CDK18: variants seen among roughly 807,000 people sequenced by gnomAD.
The protein encoded by CDK18 is cyclin-dependent kinase 18.
In CDK18, 52 loss-of-function variants were observed where a neutral mutation model predicts 62.0. That is an observed-to-expected ratio of 0.84 (90% confidence interval 0.67 to 1.06). CDK18 has a LOEUF of 1.06. Ranked by LOEUF, CDK18 falls within the 50% of genes least tolerant of loss-of-function variation. The pLI is 0.00. For synonymous variants in CDK18, 237 were observed against 247.0 expected, an observed-to-expected ratio of 0.96 and a Z score of 0.38; for missense variants, 604 against 619.9, an observed-to-expected ratio of 0.97 and a Z score of 0.27.
intron 15 of CDK18, among the ~76,000 whole-genome samples, chr1:205,531,091 C>A (rs548825086): frequency 6.6e-6 from 1 of 152,238 alleles, no homozygotes; most frequent in Non-Finnish European, 1.5e-5. Context: ...TAAAATACCC[C>A]TTGAAGCTAG....
In CDK18 at chr1:205,526,056, C is replaced by G; in HGVS notation, c.457-9C>G. 1 of 1,601,538 alleles carries G rather than the reference C, an allele frequency of 6.2e-7. No homozygotes were observed. The highest frequency in any genetic ancestry group is 8.5e-7 in the Non-Finnish European group (1 of 1,171,064). ...ATGCGCCTGGGGCCGCTGTGGCCCT[C>G]CATCCCAGGGCACCTATGCCACAGT... On this transcript the variant is annotated splice_polypyrimidine_tract_variant and intron_variant, in intron 5 of 15. Coordinates refer to ENST00000429964, the MANE Select transcript of CDK18 (RefSeq NM_212502.3).
Position 205,517,746 on chromosome 1 carries a change from A to G in CDK18, c.-21-5401A>G, listed in dbSNP as rs148989451. On this transcript the variant is annotated intron_variant, in intron 1 of 15. Coordinates refer to ENST00000429964, the MANE Select transcript of CDK18 (RefSeq NM_212502.3). This position sits in a 1 kb window ranked among gnomAD's most constrained non-coding sequence, Gnocchi z 4.1. ...AGCCCAAATCCAGCCACTTCTCACC[A>G]TCTCCACTGCCCCCCGCTGGTCCCA... 9.2e-4 allele frequency among the ~76,000 whole-genome samples: 140 copies of G among 151,674 alleles called. 2 individuals are homozygous for G. In the South Asian group the frequency reaches 0.013, roughly 14 times the overall value.
At chr1:205,513,909 C>T (rs1667691454) in intron 1 of CDK18, among the ~76,000 whole-genome samples, 1 of 152,264 alleles carries the variant, frequency 6.6e-6, no homozygotes, top group Admixed American at 6.5e-5. Context: ...CCCCCACTGC[C>T]TCAGCCCATC....
Position 205,529,115 on chromosome 1 carries a change from C to T in CDK18, c.1072+19C>T, listed in dbSNP as rs1345007623. 6.4e-7 allele frequency: 1 copy of T among 1,552,610 alleles called. No homozygotes were observed. Among genetic ancestry groups the T allele is most frequent in the Non-Finnish European group, 8.7e-7 (1 of 1,143,440 alleles). On this transcript the variant is annotated intron_variant, in intron 11 of 15. Transcript: ENST00000429964. ...CTCCTCGGTCAGTCTCCCGCTGCTC[C>T]GTCCCTCTCACCACCAGGGGGCGCC...
intron 1 of CDK18, among the ~76,000 whole-genome samples, chr1:205,508,143 T>G (rs142274565): frequency 1.3e-3 from 195 of 152,354 alleles, no homozygotes; most frequent in Non-Finnish European, 2.4e-3. Context: ...CCCACCTGAT[T>G]AGCCCACCTT....
chr1:205,521,054 GC>G (rs1668096633), intron 1 of CDK18, among the ~76,000 whole-genome samples: 1 of 152,318 alleles, frequency 6.6e-6, no homozygotes, highest in South Asian at 2.1e-4. Flanking sequence ...AGGCTGGTGG[GC>G]TCTGCCAAGG....
chr1:205,530,601 T>C (rs1023125465), intron 14 of CDK18, 27 bp from the exon 15 acceptor site: 4 of 1,608,912 alleles, frequency 2.5e-6, no homozygotes, highest in Admixed American at 1.7e-5. Flanking sequence ...CGCAGCCCTC[T>C]CCAGACTATG....
At chr1:205,526,690 G>A in intron 7 of CDK18, 85 bp from the exon 8 acceptor site, 3 of 1,342,052 alleles carry the variant, frequency 2.2e-6, no homozygotes, top group South Asian at 1.2e-5. Flanking sequence ...CCTTCCCAGG[G>A]AGGGGCTTCC....
At position 205,525,181 on chromosome 1, in the gene CDK18, G is replaced by A. The variant is rs371259169; in HGVS notation, c.442G>A (p.Asp148Asn). 1 of 1,610,502 alleles carries A rather than the reference G, an allele frequency of 6.2e-7. No individual in the cohort carries two copies. Among genetic ancestry groups the A allele is most frequent in the Non-Finnish European group, 8.5e-7 (1 of 1,177,346 alleles). Residue 148 changes from aspartate to asparagine, a missense_variant, in exon 5 of 16, where the codon GAC becomes AAC. By Grantham distance (23) the Asp-to-Asn change is conservative (BLOSUM62 1). Transcript: ENST00000429964. ...FGKLETYVKL[D>N]KLGEGTYATV... ...GAAACTGGAAACATACGTGAAACTG[G>A]ACAAACTGGGAGAGGTAAGACGCTG...
At position 205,528,064 on chromosome 1, in the gene CDK18, G is replaced by A. The variant is rs1025451041; in HGVS notation, c.870G>A (p.Lys290=). The A allele has an allele frequency of 1.2e-6, 2 of 1,614,194 alleles. No individual in the cohort carries two copies. The highest frequency in any genetic ancestry group is 1.7e-6 in the Non-Finnish European group (2 of 1,180,018). ...KLADFGLARA[K]SVPTKTYSNE... is the part of the protein sequence containing the mutation. ...TGCCCCCAGGACTGGCCAGGGCCAAGTCAGTGCCCACAAAGACTTACTCCA... is the reference window on the plus strand; with the variant it reads ...TGCCCCCAGGACTGGCCAGGGCCAAATCAGTGCCCACAAAGACTTACTCCA... Residue 290 remains lysine (K), a synonymous_variant, in exon 10 of 16, where the codon AAG becomes AAA. Transcript: ENST00000429964. This position sits in a 1 kb window ranked among gnomAD's most constrained non-coding sequence, Gnocchi z 4.2.
intron 1 of CDK18, among the ~76,000 whole-genome samples, chr1:205,514,167 G>T (rs1667706221): frequency 1.3e-5 from 2 of 152,360 alleles, no homozygotes; most frequent in South Asian, 4.1e-4. Context: ...CCTGCCTTGG[G>T]ATGTCAGAAA....
At chr1:205,511,352 G>A (rs973874899) in intron 1 of CDK18, among the ~76,000 whole-genome samples, 3 of 152,204 alleles carry the variant, frequency 2.0e-5, no homozygotes, top group African/African-American at 4.8e-5. Flanking sequence ...CGACAGAGAC[G>A]ATGGCCCGCA....
Position 205,530,706 on chromosome 1 carries a change from G to C in CDK18, c.1390+1G>C. On this transcript the variant is annotated splice_donor_variant, in intron 15 of 15. Transcript: ENST00000429964. LOFTEE classifies it high-confidence loss of function. ...CGAGGCTTGGCCTTCCAGCAGCCAG[G>C]TAGGGGCTTGTGCTCTCCTGGACCC... 1.2e-6 allele frequency: 2 copies of C among 1,613,298 alleles called. No individual in the cohort carries two copies. The highest frequency in any genetic ancestry group is 2.2e-5 in the East Asian group (1 of 44,882).
chr1:205,517,537 A>G lies in CDK18; in HGVS notation c.-21-5610A>G, dbSNP rs1010268058. ...ACGTTGAAAATGTCACCTGCCCAAC[A>G]TCCAACTCCTGGTCTTCCCACTGAA... On this transcript the variant is annotated intron_variant, in intron 1 of 15. Transcript: ENST00000429964. The surrounding 1 kb of genome is among the most constrained non-coding windows in gnomAD (Gnocchi z 4.1). Among the ~76,000 whole-genome samples, 2 of 152,008 alleles carry G rather than the reference A, an allele frequency of 1.3e-5. No individual in the cohort carries two copies. The highest frequency in any genetic ancestry group is 2.4e-5 in the African/African-American group (1 of 41,360).
intron 1 of CDK18, among the ~76,000 whole-genome samples, chr1:205,510,779 G>A (rs1440623463): frequency 6.6e-6 from 1 of 152,248 alleles, no homozygotes; most frequent in East Asian, 1.9e-4. Flanking sequence ...TGAAACATGA[G>A]GGTGCAGACC....
At chr1:205,526,524 G>A (rs1335994756) in intron 7 of CDK18, 63 bp downstream of exon 7, 6 of 1,347,352 alleles carry the variant, frequency 4.5e-6, no homozygotes, top group Non-Finnish European at 6.4e-6. Context: ...TGTGGGTAGG[G>A]GAGTGGGAAG....
chr1:205,524,484 C>A, intron 4 of CDK18, 127 bp downstream of exon 4: 2 of 1,083,858 alleles, frequency 1.8e-6, no homozygotes, highest in Admixed American at 2.1e-5. Flanking sequence ...GTGCCACCTG[C>A]TGGCTTGAGT....
intron 5 of CDK18, 41 bp from the exon 6 acceptor site, chr1:205,526,024 C>G (rs1238966224): frequency 1.4e-6 from 2 of 1,462,766 alleles, no homozygotes; most frequent in Non-Finnish European, 1.9e-6. Context: ...AGGCCAGCAG[C>G]ACCTGAATGC....
At chr1:205,519,893 GC>G (rs1668028680) in intron 1 of CDK18, among the ~76,000 whole-genome samples, 1 of 152,144 alleles carries the variant, frequency 6.6e-6, no homozygotes, top group Non-Finnish European at 1.5e-5. Flanking sequence ...AGATTCCTGA[GC>G]CGCAAATCCA....
Sources: gnomAD v4.1 joint callset for allele counts (sites outside exome capture counted in the v4.1 genomes callset) on GRCh38, gnomAD v4.1.1 for gene constraint, Gnocchi (gnomAD v3.1) non-coding constraint, MANE v1.5 for transcripts, NCBI Gene and HGNC (gene_info 2026-07-23, HGNC 2026-07-21) for gene names.